Variants in BCL11B observed in about 807,000 individuals in gnomAD.
The protein encoded by BCL11B is B-cell lymphoma/leukemia 11B.
A neutral mutation model predicts 49.9 loss-of-function variants in BCL11B; 8 were observed. The observed-to-expected ratio is 0.16, with a 90% CI of 0.09 to 0.29. The LOEUF is 0.29. BCL11B is among the 10% of genes least tolerant of loss of function. The pLI is 1.00. For synonymous variants in BCL11B, 739 were observed against 637.4 expected (o/e 1.16, Z -2.40); for missense variants, 1,006 against 1,351.0 (o/e 0.74, Z 4.00).
intron 3 of BCL11B, among the ~76,000 whole-genome samples, chr14:99,207,894 G>T (rs1405190820): frequency 6.6e-6 from 1 of 152,152 alleles, no homozygotes; most frequent in Non-Finnish European, 1.5e-5. Flanking sequence ...GATCCACCTG[G>T]AACTGAGCTC....
intron 3 of BCL11B, among the ~76,000 whole-genome samples, chr14:99,215,630 G>A (rs1431354770): frequency 6.6e-6 from 1 of 152,126 alleles, no homozygotes; most frequent in Non-Finnish European, 1.5e-5. Context: ...CCACTTAAAG[G>A]GACAGAACAC....
chr14:99,222,425 C>A (rs1888036368), intron 3 of BCL11B, among the ~76,000 whole-genome samples: 2 of 152,208 alleles, frequency 1.3e-5, no homozygotes, highest in South Asian at 4.1e-4. Flanking sequence ...CCTGCTGGGA[C>A]TCATCCCCGC....
intron 3 of BCL11B, among the ~76,000 whole-genome samples, chr14:99,210,081 C>T (rs1037337168): frequency 6.6e-6 from 1 of 152,016 alleles, no homozygotes; most frequent in Non-Finnish European, 1.5e-5. Flanking sequence ...CTGGGCAGCA[C>T]GATTGATTAG....
At position 99,232,940 on chromosome 14, in the gene BCL11B, C is replaced by CACCA. The variant is rs1823607123; in HGVS notation, c.428-1387_428-1384dup. Reference sequence around the variant, plus strand: ...TGTCCTGTCAAGAGGTCAAAGCTAACACCAACACTGCTCGGAACCCCCTGA... The same window carrying CACCA: ...TGTCCTGTCAAGAGGTCAAAGCTAACACCAACCAACACTGCTCGGAACCCCCTGA... On this transcript the variant is annotated intron_variant, in intron 2 of 3. Transcript: ENST00000357195. This position sits in a 1 kb window ranked among gnomAD's most constrained non-coding sequence, Gnocchi z 5.1. Among the ~76,000 whole-genome samples the CACCA allele has an allele frequency of 6.6e-6, 1 of 152,194 alleles. No individual in the cohort carries two copies. The highest frequency in any genetic ancestry group is 1.5e-5 in the Non-Finnish European group (1 of 68,022).
At position 99,272,110 on chromosome 14, in the gene BCL11B, C is replaced by T. The variant is rs1889707850; in HGVS notation, c.-892G>A. Among the ~76,000 whole-genome samples the T allele has an allele frequency of 6.6e-6, 1 of 151,896 alleles. No individual in the cohort carries two copies. Among genetic ancestry groups the T allele is most frequent in the South Asian group, 2.1e-4 (1 of 4,800 alleles). On this transcript the variant is annotated 5_prime_UTR_variant, in exon 1 of 4. Transcript: ENST00000357195. The surrounding 1 kb of genome is among the most constrained non-coding windows in gnomAD (Gnocchi z 6.0). ...GGCGGCTCGCCCAGTGCGCCTGGGT[C>T]GGTGCGGGCGCAGACTGGGAGCTAT... is the stretch of plus-strand genomic sequence containing the variant.
At chr14:99,267,546 C>CG (rs1491279522) in intron 1 of BCL11B, among the ~76,000 whole-genome samples, 1 of 16,790 alleles carries the variant, frequency 6.0e-5, no homozygotes, top group Non-Finnish European at 9.0e-5. Context: ...GGAACTTCAC[C>CG]CCCCCCCCAC....
At position 99,243,964 on chromosome 14, in the gene BCL11B, G is replaced by A. The variant is rs181263282; in HGVS notation, c.428-12407C>T. Among the ~76,000 whole-genome samples the A allele has an allele frequency of 3.1e-4, 44 of 141,356 alleles. No homozygotes were observed. The East Asian group carries it at 7.6e-3, about 24-fold the overall frequency. The allele number at this position is 141,356 out of a possible 152,430, so 92.7% of individuals were successfully genotyped here. ...AAAAAAAAAAAAAAGCAAGGAAAGT[G>A]CCCTACAGACACATGGCAGGGCTCG... On this transcript the variant is annotated intron_variant, in intron 2 of 3. Coordinates refer to ENST00000357195, the MANE Select transcript of BCL11B (RefSeq NM_138576.4).
chr14:99,191,402 TA>T (rs11302505), intron 3 of BCL11B, among the ~76,000 whole-genome samples: 69,545 of 144,098 alleles, frequency 0.48, 16,399 homozygotes, highest in South Asian at 0.72. Context: ...CACCTAAATC[TA>T]AAAAAAAAAA....
At chr14:99,239,827 T>C (rs982134977) in intron 2 of BCL11B, among the ~76,000 whole-genome samples, 8 of 151,978 alleles carry the variant, frequency 5.3e-5, no homozygotes, top group African/African-American at 1.9e-4. Flanking sequence ...TCAACGGCCA[T>C]GTACAGACAG....
At chr14:99,224,055 C>T (rs1378974144) in intron 3 of BCL11B, among the ~76,000 whole-genome samples, 1 of 152,224 alleles carries the variant, frequency 6.6e-6, no homozygotes, top group East Asian at 1.9e-4. Flanking sequence ...TTCCGGATCC[C>T]TCAGTCCAGC....
rs774143479 is a variant in BCL11B at position 99,176,137 on chromosome 14, C to T, written c.699G>A (p.Ala233=). 4 of 1,612,144 alleles carry T rather than the reference C, an allele frequency of 2.5e-6. No homozygotes were observed. Among genetic ancestry groups the T allele is most frequent in the Non-Finnish European group, 3.4e-6 (4 of 1,179,062 alleles). Residue 233 remains alanine (A), a synonymous_variant, in exon 4 of 4, where the codon GCG becomes GCA. Transcript: ENST00000357195. ...CTTCKQPFNS[A]WFLLQHAQNT... is the part of the protein sequence containing the mutation. ...TCTGCGCGTGCTGCAGCAGGAACCA[C>T]GCGCTGTTGAAGGGCTGCTTGCATG...
chr14:99,227,690 T>C (rs1888197502), intron 3 of BCL11B, among the ~76,000 whole-genome samples: 1 of 152,082 alleles, frequency 6.6e-6, no homozygotes, highest in Admixed American at 6.6e-5. Flanking sequence ...TATACATACA[T>C]ACGTGTATTT....
At chr14:99,198,256 G>A (rs1044102330) in intron 3 of BCL11B, among the ~76,000 whole-genome samples, 7 of 152,222 alleles carry the variant, frequency 4.6e-5, no homozygotes, top group Non-Finnish European at 8.8e-5. Context: ...GGATATGGAA[G>A]GAAATATAAT....
rs1886230421 is a variant in BCL11B at position 99,169,840 on chromosome 14, C to G, written c.*4311G>C. On this transcript the variant is annotated 3_prime_UTR_variant, in exon 4 of 4. Coordinates refer to ENST00000357195, the MANE Select transcript of BCL11B (RefSeq NM_138576.4). ...CACATTTTGCTTAGAGTAATTCAGT[C>G]TCCTTCTCTCCCCATGAAAGACCCT... The G allele has an allele frequency of 4.4e-6, 1 of 227,564 alleles. No homozygotes were observed. The highest frequency in any genetic ancestry group is 6.3e-5 in the East Asian group (1 of 15,862). The allele number at this position is 227,564 out of a possible 1,614,324, so 14.1% of individuals were successfully genotyped here.
At chr14:99,265,668 G>T (rs1410993384) in intron 1 of BCL11B, among the ~76,000 whole-genome samples, 1 of 152,178 alleles carries the variant, frequency 6.6e-6, no homozygotes, top group Non-Finnish European at 1.5e-5. Context: ...GTGGTCCAGT[G>T]AGCTCGCTGC....
intron 3 of BCL11B, among the ~76,000 whole-genome samples, chr14:99,214,134 C>T (rs1887764236): frequency 6.6e-6 from 1 of 152,140 alleles, no homozygotes; most frequent in African/African-American, 2.4e-5. Context: ...CAGTGAGTGT[C>T]CCCCCATCCA....
chr14:99,266,995 C>T (rs1889502437), intron 1 of BCL11B, among the ~76,000 whole-genome samples: 1 of 152,174 alleles, frequency 6.6e-6, no homozygotes. Context: ...TTCTGTGCTT[C>T]CGTCTCACCT....
chr14:99,174,452 C>T lies in BCL11B; in HGVS notation c.2384G>A (p.Ser795Asn). The change falls in exon 4 of 4, where the codon AGC becomes AAC. Residue 795 changes from serine to asparagine, a missense_variant. Coordinates refer to ENST00000357195, the MANE Select transcript of BCL11B (RefSeq NM_138576.4). ...GRPSSKEGRR[S>N]DTCEYCGKVF... ...CTTGCCGCAGTACTCGCACGTGTCG[C>T]TGCGGCGGCCCTCCTTGGAGCTGGG... 1 of 1,608,532 alleles carries T rather than the reference C, an allele frequency of 6.2e-7. No individual in the cohort carries two copies. Among genetic ancestry groups the T allele is most frequent in the Non-Finnish European group, 8.5e-7 (1 of 1,178,346 alleles).
chr14:99,246,679 G>C (rs1175206969), intron 2 of BCL11B, among the ~76,000 whole-genome samples: 9 of 151,910 alleles, frequency 5.9e-5, no homozygotes, highest in African/African-American at 2.2e-4. Context: ...GGCAATGAAG[G>C]GGGCTATGGA....
Sources: allele counts gnomAD v4.1 joint callset (sites outside exome capture counted in the v4.1 genomes callset), GRCh38; gene constraint gnomAD v4.1.1; non-coding constraint Gnocchi (gnomAD v3.1); transcripts MANE v1.5; gene names NCBI Gene and HGNC (gene_info 2026-07-23, HGNC 2026-07-21).